RIMS2: variants seen among roughly 807,000 people sequenced by gnomAD.
The protein encoded by RIMS2 is regulating synaptic membrane exocytosis 2, also known as regulating synaptic membrane exocytosis protein 2.
Under a neutral mutation model 174.4 loss-of-function variants are expected in RIMS2, and 59 were observed. The ratio of observed to expected loss-of-function variants is 0.34; its 90% confidence interval spans 0.27 to 0.42. The LOEUF is 0.42. Ranked by LOEUF, RIMS2 falls within the 10% of genes least tolerant of loss-of-function variation. The probability of loss-of-function intolerance (pLI) is 1.00; values close to 1 mark genes in which losing one functional copy is unlikely to be tolerated. For synonymous variants in RIMS2, 606 were observed against 572.5 expected (o/e 1.06, Z -0.84); for missense variants, 1,620 against 1,666.3 (o/e 0.97, Z 0.48).
intron 2 of RIMS2, among the ~76,000 whole-genome samples, chr8:103,740,352 G>A (rs894919295): frequency 9.9e-5 from 15 of 152,176 alleles, no homozygotes; most frequent in African/African-American, 3.6e-4. Context: ...GATGCCTGCT[G>A]ACTTCTTGGC....
intron 14 of RIMS2, among the ~76,000 whole-genome samples, chr8:103,960,014 T>C (rs1248045045): frequency 6.6e-6 from 1 of 151,392 alleles, no homozygotes; most frequent in African/African-American, 2.4e-5. Context: ...AGAGCAGAAC[T>C]GAAGGAGATA....
At chr8:104,170,775 G>A (rs1316508261) in intron 19 of RIMS2, among the ~76,000 whole-genome samples, 1 of 151,996 alleles carries the variant, frequency 6.6e-6, no homozygotes, top group Non-Finnish European at 1.5e-5. Context: ...ATTTAAGGAA[G>A]TTCTCTTTTG....
At chr8:103,871,671 C>T (rs1390876719) in intron 3 of RIMS2, among the ~76,000 whole-genome samples, 1 of 152,014 alleles carries the variant, frequency 6.6e-6, no homozygotes, top group African/African-American at 2.4e-5. Context: ...CATAAACACA[C>T]TTAAACTTTG....
At chr8:104,122,933 A>C (rs1373539649) in intron 19 of RIMS2, among the ~76,000 whole-genome samples, 1 of 152,154 alleles carries the variant, frequency 6.6e-6, no homozygotes, top group African/African-American at 2.4e-5. Flanking sequence ...TATGATTCTA[A>C]AGAAAGTTTT....
chr8:103,568,821 G>T, intron 1 of RIMS2: 1 of 1,130,310 alleles, frequency 8.8e-7, no homozygotes, highest in Non-Finnish European at 1.3e-6. Context: ...AAGAAGCTGA[G>T]CATATTCTTC....
intron 3 of RIMS2, among the ~76,000 whole-genome samples, chr8:103,796,388 A>G (rs1405844797): frequency 2.0e-5 from 3 of 152,198 alleles, no homozygotes; most frequent in Non-Finnish European, 4.4e-5. Flanking sequence ...GTGCTATTTA[A>G]GATATCCTTT....
chr8:103,997,226 G>A (rs146839443), intron 17 of RIMS2, among the ~76,000 whole-genome samples: 1 of 151,780 alleles, frequency 6.6e-6, no homozygotes, highest in African/African-American at 2.4e-5. Flanking sequence ...GGAAAGATTA[G>A]CAAGGGTTTT....
intron 1 of RIMS2, among the ~76,000 whole-genome samples, chr8:103,637,720 A>T (rs1000724581): frequency 2.0e-5 from 3 of 152,212 alleles, no homozygotes; most frequent in Non-Finnish European, 4.4e-5. Context: ...AACAAAGAAA[A>T]CAGGATTGGT....
At chr8:103,535,919 T>C (rs1839534244) in intron 1 of RIMS2, among the ~76,000 whole-genome samples, 2 of 152,182 alleles carry the variant, frequency 1.3e-5, no homozygotes, top group African/African-American at 4.8e-5. Flanking sequence ...GCTTATTTTA[T>C]AGGTGGAACT....
intron 15 of RIMS2, among the ~76,000 whole-genome samples, chr8:103,967,170 GTTTTTT>G (rs71575988): frequency 4.7e-3 from 116 of 24,932 alleles, no homozygotes; most frequent in African/African-American, 0.023. Flanking sequence ...ATCTGTTCTT[GTTTTTT>G]TTTTTTTTTT....
chr8:104,061,616 G>A (rs1052565661), intron 19 of RIMS2, among the ~76,000 whole-genome samples: 9 of 148,504 alleles, frequency 6.1e-5, no homozygotes, highest in African/African-American at 1.7e-4. Flanking sequence ...TAATTTATAT[G>A]TATATATATT....
At chr8:104,122,897 A>T (rs1460579112) in intron 19 of RIMS2, among the ~76,000 whole-genome samples, 1 of 152,152 alleles carries the variant, frequency 6.6e-6, no homozygotes, top group Non-Finnish European at 1.5e-5. Context: ...TCAACAAGTT[A>T]TCTTTCTTCT....
chr8:103,506,746 G>A (rs1823855527), intron 1 of RIMS2, among the ~76,000 whole-genome samples: 1 of 152,128 alleles, frequency 6.6e-6, no homozygotes, highest in Non-Finnish European at 1.5e-5. Flanking sequence ...GTCAAAATAT[G>A]CCAGGAGGGC....
chr8:103,775,341 G>C (rs529814926), intron 3 of RIMS2, among the ~76,000 whole-genome samples: 9 of 152,098 alleles, frequency 5.9e-5, no homozygotes, highest in Admixed American at 6.5e-5. Flanking sequence ...TTAAGAAAGA[G>C]GTTAAACTAT....
chr8:104,105,103 T>C lies in RIMS2; in HGVS notation c.3334+90488T>C, dbSNP rs1443376392. ...TAAATCCTTTAGGATTGTGGTAAAA[T>C]TGAGAATTGAAGAAAAGTCTAAGCC... On this transcript the variant is annotated intron_variant, in intron 19 of 23. Coordinates refer to ENST00000504942, the Ensembl canonical transcript of RIMS2. Among the ~76,000 whole-genome samples, 4 of 152,044 alleles carry C rather than the reference T, an allele frequency of 2.6e-5. No individual in the cohort carries two copies. In the East Asian group the frequency reaches 7.7e-4, roughly 29 times the overall value.
At chr8:103,723,804 C>T (rs2097488366) in intron 2 of RIMS2, among the ~76,000 whole-genome samples, 1 of 152,204 alleles carries the variant, frequency 6.6e-6, no homozygotes, top group Non-Finnish European at 1.5e-5. Flanking sequence ...AGCCTGAGGC[C>T]ACAGAGCTGG....
rs200958268 is a variant in RIMS2 at position 104,251,619 on chromosome 8, T to C, written c.3849T>C (p.Asp1283=). Residue 1283 remains aspartate, a synonymous_variant, in exon 24 of 24, where the codon GAT becomes GAC. Coordinates refer to ENST00000504942, the Ensembl canonical transcript of RIMS2. ...GCCAACAGATCATCGTCTGGGGAGA[T>C]TATGGCCGCATGGATCACAAATCTT... is the stretch of plus-strand genomic sequence containing the variant. 5 of 1,601,430 alleles carry C rather than the reference T, an allele frequency of 3.1e-6. No homozygotes were observed. The East Asian group carries it at 8.9e-5, about 29-fold the overall frequency.
chr8:103,506,402 A>T (rs1045889383), intron 1 of RIMS2, among the ~76,000 whole-genome samples: 3 of 152,130 alleles, frequency 2.0e-5, no homozygotes, highest in African/African-American at 7.2e-5. Context: ...TTGACACCTT[A>T]CTTTACTAAT....
intron 4 of RIMS2, among the ~76,000 whole-genome samples, chr8:103,892,462 C>T (rs1163800220): frequency 6.6e-6 from 1 of 151,878 alleles, no homozygotes; most frequent in African/African-American, 2.4e-5. Flanking sequence ...CCTCAGCCTC[C>T]CAAAGTGCTG....
Sources: gnomAD v4.1 joint callset for allele counts (sites outside exome capture counted in the v4.1 genomes callset) on GRCh38, gnomAD v4.1.1 for gene constraint, MANE v1.5 for transcripts, NCBI Gene and HGNC (gene_info 2026-07-23, HGNC 2026-07-21) for gene names.